The following WDR1 variants were observed in gnomAD, a reference collection of about 807,000 sequenced individuals.
The protein encoded by WDR1 is WD repeat domain 1.
WDR1 carries 21 observed loss-of-function variants against 71.9 expected under a neutral mutation model. The ratio of observed to expected loss-of-function variants is 0.29; its 90% confidence interval spans 0.21 to 0.42. The LOEUF (loss-of-function observed/expected upper bound fraction) is 0.42, where lower values mean the gene tolerates loss of function less well. Among genes scored for constraint, WDR1 ranks in the 10% least tolerant of loss-of-function variants. The probability of loss-of-function intolerance (pLI) is 1.00; values close to 1 mark genes in which losing one functional copy is unlikely to be tolerated. For missense variants in WDR1, 696 were observed against 824.5 expected, an observed-to-expected ratio of 0.84 and a Z score of 1.91; for synonymous variants, 424 against 347.4, an observed-to-expected ratio of 1.22 and a Z score of -2.45.
chr4:10,075,484 T>C lies in WDR1; in HGVS notation c.1715A>G (p.Asp572Gly). The change falls in exon 15 of 15, where the codon GAT becomes GGT. Residue 572 changes from aspartate to glycine, a missense_variant and splice_region_variant. Asp to Gly is a moderately conservative substitution (Grantham distance 94). Transcript: ENST00000499869. Reference sequence around the variant, plus strand: ...GCTGACATGGTGCAGCCGGTGTGCATCTGGGAAGAAAGGGTGCAATTTAAC... The same window carrying C: ...GCTGACATGGTGCAGCCGGTGTGCACCTGGGAAGAAAGGGTGCAATTTAAC... ...SDPETRVKIQ[D>G]AHRLHHVSSL... 1 of 1,613,876 alleles carries C rather than the reference T, an allele frequency of 6.2e-7. No individual in the cohort carries two copies. The highest frequency in any genetic ancestry group is 8.5e-7 in the Non-Finnish European group (1 of 1,179,876).
intron 14 of WDR1, 85 bp from the exon 15 acceptor site, chr4:10,075,569 T>A: frequency 7.9e-7 from 1 of 1,267,220 alleles, no homozygotes; most frequent in Non-Finnish European, 1.1e-6. Flanking sequence ...GAACAACCTG[T>A]GCCTAAATCA....
intron 3 of WDR1, among the ~76,000 whole-genome samples, chr4:10,103,295 C>CACACACACACACACAG: frequency 1.1e-5 from 1 of 89,582 alleles, no homozygotes; most frequent in African/African-American, 1.2e-4. Flanking sequence ...CACAGACACA[C>CACACACACACACACAG]ACACACACAC....
At chr4:10,113,395 C>T (rs78383299) in intron 2 of WDR1, among the ~76,000 whole-genome samples, 1,661 of 152,216 alleles carry the variant, frequency 0.011, 23 homozygotes, top group African/African-American at 0.038. Flanking sequence ...AGACAGGGAG[C>T]AAGACTTGCA....
At chr4:10,082,247 C>T (rs542773045) in intron 10 of WDR1, among the ~76,000 whole-genome samples, 37 of 152,170 alleles carry the variant, frequency 2.4e-4, no homozygotes, top group Non-Finnish European at 3.2e-4. Context: ...CCTACAAGGA[C>T]GGCACACCTG....
chr4:10,086,365 T>C (rs1711552389), intron 8 of WDR1, among the ~76,000 whole-genome samples: 1 of 152,244 alleles, frequency 6.6e-6, no homozygotes, highest in South Asian at 2.1e-4. Flanking sequence ...TGGTTCAGCC[T>C]TCCCCCTCTC....
chr4:10,090,918 C>T (rs562765181), intron 5 of WDR1, among the ~76,000 whole-genome samples: 7 of 152,352 alleles, frequency 4.6e-5, no homozygotes, highest in South Asian at 2.1e-4. Flanking sequence ...CTGAAGAGCT[C>T]GTCCTCTGTA....
intron 2 of WDR1, among the ~76,000 whole-genome samples, chr4:10,104,523 G>A (rs775546832): frequency 1.2e-4 from 19 of 152,208 alleles, no homozygotes; most frequent in Non-Finnish European, 2.2e-4. Context: ...AAGGAAAGTC[G>A]ATTCCCCACT....
At chr4:10,089,679 G>C (rs1711837093) in intron 5 of WDR1, among the ~76,000 whole-genome samples, 1 of 152,204 alleles carries the variant, frequency 6.6e-6, no homozygotes, top group Admixed American at 6.5e-5. Flanking sequence ...CAACTCTCTT[G>C]GCACAGGAAG....
intron 2 of WDR1, 77 bp from the exon 3 acceptor site, chr4:10,104,063 TG>T: frequency 1.4e-6 from 2 of 1,440,710 alleles, no homozygotes; most frequent in Non-Finnish European, 1.9e-6. Context: ...TCAACAGATA[TG>T]GGGTGAAAGG....
intron 2 of WDR1, among the ~76,000 whole-genome samples, chr4:10,113,536 C>G (rs1006669658): frequency 6.6e-6 from 1 of 152,178 alleles, no homozygotes; most frequent in African/African-American, 2.4e-5. Context: ...TGGCTTTCAC[C>G]GAGGTGGGAA....
At position 10,078,901 on chromosome 4, in the gene WDR1, A is replaced by G. The variant is rs1360612427; in HGVS notation, c.1385T>C (p.Ile462Thr). The G allele has an allele frequency of 1.9e-6, 3 of 1,612,460 alleles. No individual in the cohort carries two copies. Among genetic ancestry groups the G allele is most frequent in the East Asian group, 4.5e-5 (2 of 44,712 alleles). The change falls in exon 12 of 15, where the codon ATT becomes ACT. Residue 462 changes from isoleucine to threonine, a missense_variant. Transcript: ENST00000499869. ...AVHPGGDTVAIGGVDGNVRLY... is the reference protein window; with the variant it reads ...AVHPGGDTVATGGVDGNVRLY... ...AGGAAAGCGACTTACCACACCCCCAATTGCCACCGTGTCCCCGCCGGGGTG... is the reference window on the plus strand; with the variant it reads ...AGGAAAGCGACTTACCACACCCCCAGTTGCCACCGTGTCCCCGCCGGGGTG...
chr4:10,078,084 G>A (rs1764869919), intron 12 of WDR1, among the ~76,000 whole-genome samples, 158 bp from the exon 13 acceptor site: 1 of 152,232 alleles, frequency 6.6e-6, no homozygotes, highest in Non-Finnish European at 1.5e-5. Flanking sequence ...TCTTCCCGTG[G>A]ATGGGCCTGA....
At chr4:10,077,193 G>T in intron 14 of WDR1, 111 bp downstream of exon 14, 2 of 1,400,362 alleles carry the variant, frequency 1.4e-6, no homozygotes, top group East Asian at 2.4e-5. Flanking sequence ...CTGTCTAGAA[G>T]CACAGAGGCT....
intron 5 of WDR1, chr4:10,092,696 G>A (rs894679700): frequency 4.5e-5 from 12 of 265,644 alleles, no homozygotes; most frequent in African/African-American, 1.3e-4. Flanking sequence ...GAGAAGCCGC[G>A]AAAAGCCCAT....
chr4:10,099,470 C>A (rs1712558282), intron 3 of WDR1, among the ~76,000 whole-genome samples: 1 of 152,260 alleles, frequency 6.6e-6, no homozygotes, highest in Admixed American at 6.5e-5. Context: ...ATGGTAAACT[C>A]CAATATGCCA....
At chr4:10,109,209 C>G (rs1713202826) in intron 2 of WDR1, among the ~76,000 whole-genome samples, 1 of 152,278 alleles carries the variant, frequency 6.6e-6, no homozygotes, top group African/African-American at 2.4e-5. Flanking sequence ...CGCCCCAGGC[C>G]ACCCAGCTGT....
chr4:10,084,397 C>A (rs758541532), intron 9 of WDR1, 46 bp downstream of exon 9: 87 of 1,574,022 alleles, frequency 5.5e-5, no homozygotes, highest in Non-Finnish European at 7.2e-5. Flanking sequence ...GAAATTCCCC[C>A]CTAGAGCCAG....
At chr4:10,086,363 C>A (rs533089424) in intron 8 of WDR1, among the ~76,000 whole-genome samples, 1 of 152,214 alleles carries the variant, frequency 6.6e-6, no homozygotes, top group Non-Finnish European at 1.5e-5. Flanking sequence ...TATGGTTCAG[C>A]CTTCCCCCTC....
intron 8 of WDR1, among the ~76,000 whole-genome samples, chr4:10,087,046 T>C (rs1197508134): frequency 1.3e-5 from 2 of 152,204 alleles, no homozygotes; most frequent in Non-Finnish European, 2.9e-5. Context: ...AGGGAGCCTT[T>C]GGCTCAAGTG....
Sources: gnomAD v4.1 joint callset for allele counts (sites outside exome capture counted in the v4.1 genomes callset) on GRCh38, gnomAD v4.1.1 for gene constraint, MANE v1.5 for transcripts, NCBI Gene and HGNC (gene_info 2026-07-23, HGNC 2026-07-21) for gene names.